Variants in CHD4 observed in about 807,000 individuals in gnomAD.
The protein encoded by CHD4 is ATP-dependent chromatin remodeler CHD4.
A neutral mutation model predicts 235.5 loss-of-function variants in CHD4; 35 were observed. That is an observed-to-expected ratio of 0.15 (90% CI 0.11 to 0.20). The LOEUF is 0.20. CHD4 is among the 10% of genes least tolerant of loss of function. CHD4 has a pLI of 1.00. For missense variants in CHD4, 1,329 were observed against 2,432.3 expected (o/e 0.55, Z 9.54); for synonymous variants, 900 against 850.2 (o/e 1.06, Z -1.02).
intron 1 of CHD4, chr12:6,607,028 T>A (rs1408791556): frequency 1.1e-5 from 1 of 88,956 alleles, no homozygotes; most frequent in Non-Finnish European, 2.3e-5. Context: ...GGGGGGCAAG[T>A]GATCAAAGGG....
At chr12:6,595,816 G>C (rs1948482590) in intron 13 of CHD4, among the ~76,000 whole-genome samples, 190 bp downstream of exon 13, 1 of 150,826 alleles carries the variant, frequency 6.6e-6, no homozygotes, top group African/African-American at 2.4e-5. Flanking sequence ...AAATCAGCTA[G>C]GTGTGGTGGC....
chr12:6,572,550 G>C (rs949898958), intron 38 of CHD4, among the ~76,000 whole-genome samples: 7 of 152,100 alleles, frequency 4.6e-5, no homozygotes, highest in African/African-American at 1.7e-4. Flanking sequence ...GGGCAAAATG[G>C]TGAGAGCCCA....
At chr12:6,575,584 C>G (rs575489537) in intron 37 of CHD4, among the ~76,000 whole-genome samples, 1 of 152,078 alleles carries the variant, frequency 6.6e-6, no homozygotes, top group South Asian at 2.1e-4. Context: ...TTACCCTTTT[C>G]ATTTTCCACA....
chr12:6,581,469 C>T, intron 31 of CHD4, 81 bp from the exon 32 acceptor site: 1 of 1,542,488 alleles, frequency 6.5e-7, no homozygotes, highest in Non-Finnish European at 9.0e-7. Context: ...TTTGTCTCAT[C>T]TTAAATTGTC....
At position 6,581,729 on chromosome 12, in the gene CHD4, C is replaced by A. The variant is rs1948195786; in HGVS notation, c.4601G>T (p.Gly1534Val). ...TGTAGGAGTTTTTGGGGAGGGTGAC[C>A]CTGGCTGGGACATCTTCTTGTTTTC... Reference protein sequence around the residue: ...VEENKKMSQPGSPSPKTPTPS... With the variant: ...VEENKKMSQPVSPSPKTPTPS... Residue 1534 changes from glycine (G) to valine (V), a missense_variant, in exon 31 of 40, where the codon GGG (glycine) becomes GTG (valine). By Grantham distance (109) the Gly-to-Val change is moderately radical. Around this residue, in one of 26 missense-constraint regions of CHD4, gnomAD observed 219 missense variants for 219.3 expected, o/e 1.00. Coordinates refer to ENST00000544040, the MANE Select transcript of CHD4 (RefSeq NM_001273.5). 1.9e-6 allele frequency: 3 copies of A among 1,604,832 alleles called. No individual in the cohort carries two copies. The highest frequency in any genetic ancestry group is 1.7e-6 in the Non-Finnish European group (2 of 1,174,848).
intron 34 of CHD4, 76 bp downstream of exon 34, chr12:6,578,770 G>GAGGC: frequency 2.1e-6 from 3 of 1,458,078 alleles, no homozygotes; most frequent in Non-Finnish European, 2.9e-6. Flanking sequence ...TATGGACAGG[G>GAGGC]AGGCAGGGCA....
At chr12:6,595,969 AAAG>A (rs765768010) in intron 13 of CHD4, 34 bp downstream of exon 13, 38 of 1,573,910 alleles carry the variant, frequency 2.4e-5, no homozygotes, top group Non-Finnish European at 2.9e-5. Context: ...AAAAAAAAAA[AAAG>A]AAACAACTCT....
chr12:6,600,598 A>G lies in CHD4; in HGVS notation c.999T>C (p.Asp333=), dbSNP rs199705744. The G allele has an allele frequency of 4.3e-6, 7 of 1,614,066 alleles. No homozygotes were observed. The highest frequency in any genetic ancestry group is 5.9e-6 in the Non-Finnish European group (7 of 1,180,022). Residue 333 remains aspartate (D), a synonymous_variant, in exon 8 of 40, where the codon GAT becomes GAC. Coordinates refer to ENST00000544040, the MANE Select transcript of CHD4 (RefSeq NM_001273.5). ...DASINSYSVS[D]GSTSRSSRSR... ...TGCGGCTACTACGGCTGGTGGAACC[A>G]TCAGAAACAGAATAGCTATTGATAC...
chr12:6,578,393 C>A lies in CHD4; in HGVS notation c.5119+16G>T, dbSNP rs1245054875. ...ATCAGATCCTTCTAACCCTGGTGGG[C>A]CCCTCATTTCCATACCAGTAAAACC... On this transcript the variant is annotated intron_variant, in intron 35 of 39. Coordinates refer to ENST00000544040, the MANE Select transcript of CHD4 (RefSeq NM_001273.5). 1.2e-6 allele frequency: 2 copies of A among 1,608,722 alleles called. No homozygotes were observed. The highest frequency in any genetic ancestry group is 1.7e-6 in the Non-Finnish European group (2 of 1,178,454).
rs1197591566 is a variant in CHD4, at chr12:6,600,199, C to G, written c.1242+18G>C. 2 of 1,612,960 alleles carry G rather than the reference C, an allele frequency of 1.2e-6. No individual in the cohort carries two copies. Among genetic ancestry groups the G allele is most frequent in the Admixed American group, 3.3e-5 (2 of 59,926 alleles). On this transcript the variant is annotated intron_variant, in intron 9 of 39. Transcript: ENST00000544040. ...TCTTCTCATGGGTTCCAAGGGGCCA[C>G]AATGGCCAGACACTCACGCAGTGTG...
rs1948407937 is a variant in CHD4 at position 6,591,955 on chromosome 12, C to T, written c.3051G>A (p.Lys1017=). The T allele has an allele frequency of 6.2e-7, 1 of 1,614,108 alleles. No homozygotes were observed. The part of the protein sequence containing the change: ...SLLNVVMDLK[K]CCNHPYLFPV... ...GGAAGAGGTATGGATGGTTGCAGCA[C>T]TTCTTAAGATCCATCACCACATTCA... The change falls in exon 20 of 40, where the codon AAG becomes AAA. Residue 1017 remains lysine (K), a synonymous_variant. Coordinates refer to ENST00000544040, the MANE Select transcript of CHD4 (RefSeq NM_001273.5).
chr12:6,601,251 C>T (rs781058155), intron 6 of CHD4, 38 bp downstream of exon 6: 4 of 1,604,514 alleles, frequency 2.5e-6, no homozygotes, highest in East Asian at 4.5e-5. Context: ...CTTAAGCCCA[C>T]ACTAGACACC....
Position 6,602,494 on chromosome 12 carries a change from T to C in CHD4, c.104A>G (p.Asn35Ser). 6.2e-7 allele frequency: 1 copy of C among 1,611,568 alleles called. No individual in the cohort carries two copies. Among genetic ancestry groups the C allele is most frequent in the Non-Finnish European group, 8.5e-7 (1 of 1,179,482 alleles). ...NNSLPPPHPE[N>S]EEDPEEDLSE... is the part of the protein sequence containing the mutation. ...CAAATCCTCTTCTGGGTCCTCTTCA[T>C]TTTCTACATATATTTGGCAAAGAGT... Residue 35 changes from asparagine (N) to serine (S), a missense_variant, in exon 3 of 40, where the codon AAT (asparagine) becomes AGT (serine). By Grantham distance (46) the Asn-to-Ser change is conservative. Coordinates refer to ENST00000544040, the MANE Select transcript of CHD4 (RefSeq NM_001273.5).
chr12:6,606,596 C>G (rs1041860366), intron 1 of CHD4, 145 bp from the exon 2 acceptor site: 1 of 426,474 alleles, frequency 2.3e-6, no homozygotes, highest in Non-Finnish European at 4.2e-6. Flanking sequence ...GTTCCACACT[C>G]CTCGGGGGCA....
In CHD4 at chr12:6,570,616, G is replaced by T; in HGVS notation, c.*60C>A. The T allele has an allele frequency of 6.2e-7, 1 of 1,609,610 alleles. No homozygotes were observed. The highest frequency in any genetic ancestry group is 8.5e-7 in the Non-Finnish European group (1 of 1,176,084). ...TCTCAGGCCCCCAGGGGAGAAGCTG[G>T]GACAAGAGAAAGTGAGGAAGGTCAC... On this transcript the variant is annotated 3_prime_UTR_variant, in exon 40 of 40. Coordinates refer to ENST00000544040, the MANE Select transcript of CHD4 (RefSeq NM_001273.5).
chr12:6,592,200 C>T, intron 19 of CHD4, 143 bp from the exon 20 acceptor site: 1 of 1,250,032 alleles, frequency 8.0e-7, no homozygotes, highest in Non-Finnish European at 1.1e-6. Context: ...ACCACCACCA[C>T]CATTTTAAAT....
Position 6,582,136 on chromosome 12 carries a change from CCTT to C in CHD4, c.4513_4515del (p.Lys1505del). On this transcript the variant is annotated inframe_deletion and splice_region_variant, in exon 30 of 40. Coordinates refer to ENST00000544040, the MANE Select transcript of CHD4 (RefSeq NM_001273.5). ...ACAATGGCAAGAGGCTCAGGGCTCA[CCTT>C]CTTGCGAATCAAAGACATAACACCA... is the stretch of plus-strand genomic sequence containing the variant. 6.4e-7 allele frequency: 1 copy of C among 1,568,984 alleles called. No homozygotes were observed. Among genetic ancestry groups the C allele is most frequent in the Non-Finnish European group, 8.7e-7 (1 of 1,156,048 alleles).
At chr12:6,601,167 T>C (rs1416436580) in intron 6 of CHD4, 114 bp from the exon 7 acceptor site, 6 of 1,528,084 alleles carry the variant, frequency 3.9e-6, no homozygotes, top group Non-Finnish European at 5.3e-6. Flanking sequence ...CCCTCCAAAA[T>C]CCAAGACTCA....
chr12:6,595,189 G>A, intron 14 of CHD4, 145 bp downstream of exon 14: 1 of 618,232 alleles, frequency 1.6e-6, no homozygotes, highest in Non-Finnish European at 2.9e-6. Flanking sequence ...TAGAGATGTG[G>A]AGAAGTGGGG....
Sources: gnomAD v4.1 joint callset for allele counts (sites outside exome capture counted in the v4.1 genomes callset) on GRCh38, gnomAD v4.1.1 for gene constraint, gnomAD v4.1.1 regional missense constraint, MANE v1.5 for transcripts, NCBI Gene and HGNC (gene_info 2026-07-23, HGNC 2026-07-21) for gene names.